The following PTPRM variants were observed in gnomAD, a reference collection of about 807,000 sequenced individuals.
PTPRM encodes the protein receptor-type tyrosine-protein phosphatase mu.
In PTPRM, 47 loss-of-function variants were observed where a neutral mutation model predicts 186.7. The ratio of observed to expected loss-of-function variants is 0.25; its 90% confidence interval spans 0.20 to 0.32. The LOEUF is 0.32. Among genes scored for constraint, PTPRM ranks in the 10% least tolerant of loss-of-function variants. The pLI is 1.00. For synonymous variants in PTPRM, 668 were observed against 674.9 expected (o/e 0.99, Z 0.16); for missense variants, 1,494 against 1,865.0 (o/e 0.80, Z 3.66).
intron 24 of PTPRM, among the ~76,000 whole-genome samples, chr18:8,374,435 T>A (rs2095682971): frequency 6.6e-6 from 1 of 152,166 alleles, no homozygotes; most frequent in Admixed American, 6.5e-5. Context: ...TGGGAATGCA[T>A]ACCACCAAAA....
intron 3 of PTPRM, among the ~76,000 whole-genome samples, chr18:7,905,965 G>A (rs1204204699): frequency 3.3e-5 from 5 of 152,190 alleles, no homozygotes; most frequent in Admixed American, 6.5e-5. Context: ...CCAAATGTGT[G>A]TATGGCAGTG....
At chr18:8,357,915 C>A (rs1490556996) in intron 23 of PTPRM, among the ~76,000 whole-genome samples, 4 of 151,978 alleles carry the variant, frequency 2.6e-5, no homozygotes, top group Admixed American at 2.6e-4. Context: ...AAGGAGAAAA[C>A]CATATAACTT....
intron 23 of PTPRM, among the ~76,000 whole-genome samples, chr18:8,368,781 C>T (rs1454311693): frequency 6.6e-6 from 1 of 152,224 alleles, no homozygotes; most frequent in Non-Finnish European, 1.5e-5. Context: ...GATCCTATGA[C>T]TCTGCATAAA....
chr18:7,921,070 G>A (rs181739757), intron 4 of PTPRM, among the ~76,000 whole-genome samples: 18 of 152,088 alleles, frequency 1.2e-4, no homozygotes, highest in African/African-American at 3.9e-4. Context: ...TTTTGGGGTA[G>A]CCTTATTTGA....
intron 1 of PTPRM, among the ~76,000 whole-genome samples, chr18:7,635,879 C>T (rs1423103527): frequency 6.6e-6 from 1 of 152,140 alleles, no homozygotes; most frequent in African/African-American, 2.4e-5. Flanking sequence ...CTCTAAGGTA[C>T]AGTAAAATCC....
intron 1 of PTPRM, among the ~76,000 whole-genome samples, chr18:7,689,039 A>G (rs570934018): frequency 6.6e-6 from 1 of 152,298 alleles, no homozygotes; most frequent in East Asian, 1.9e-4. Flanking sequence ...TCCAAACAGG[A>G]TCTCAGCTAG....
intron 20 of PTPRM, among the ~76,000 whole-genome samples, chr18:8,297,553 A>G (rs533509532): frequency 6.6e-6 from 1 of 152,352 alleles, no homozygotes; most frequent in South Asian, 2.1e-4. Flanking sequence ...TGGCCGTACG[A>G]CTGAGAAACT....
chr18:7,600,387 G>A (rs2037371213), intron 1 of PTPRM, among the ~76,000 whole-genome samples: 1 of 152,160 alleles, frequency 6.6e-6, no homozygotes, highest in African/African-American at 2.4e-5. Context: ...AAATCTGGAG[G>A]CAGCAATCTT....
At chr18:8,092,205 C>T (rs2090772651) in intron 11 of PTPRM, among the ~76,000 whole-genome samples, 1 of 152,086 alleles carries the variant, frequency 6.6e-6, no homozygotes, top group East Asian at 1.9e-4. Flanking sequence ...ACTAAACTCT[C>T]AATGTAAATG....
intron 8 of PTPRM, among the ~76,000 whole-genome samples, chr18:8,072,876 G>A (rs894692619): frequency 7.9e-5 from 12 of 152,138 alleles, no homozygotes; most frequent in Admixed American, 2.0e-4. Flanking sequence ...ACTATCTTCC[G>A]TAACTTAATT....
At chr18:7,732,425 G>A (rs571277241) in intron 1 of PTPRM, among the ~76,000 whole-genome samples, 42 of 152,166 alleles carry the variant, frequency 2.8e-4, no homozygotes, top group Non-Finnish European at 5.6e-4. Context: ...ATTCTGGGTA[G>A]CCAGGAGTCC....
At chr18:7,767,690 C>A (rs1330464881) in intron 1 of PTPRM, among the ~76,000 whole-genome samples, 2 of 152,228 alleles carry the variant, frequency 1.3e-5, no homozygotes, top group East Asian at 3.9e-4. Flanking sequence ...CAACAACTAG[C>A]CTTGCTGTCT....
intron 13 of PTPRM, among the ~76,000 whole-genome samples, chr18:8,135,576 T>C (rs745475417): frequency 1.2e-4 from 18 of 152,172 alleles, no homozygotes; most frequent in Non-Finnish European, 2.5e-4. Flanking sequence ...CTTCCTATAA[T>C]TGGAGACCCT....
At chr18:7,871,677 A>G (rs1243298775) in intron 2 of PTPRM, among the ~76,000 whole-genome samples, 2 of 152,112 alleles carry the variant, frequency 1.3e-5, no homozygotes, top group Admixed American at 6.5e-5. Flanking sequence ...CCCTTTCTCT[A>G]AAGAGCTGTC....
chr18:8,156,123 G>A (rs929172415), intron 14 of PTPRM, among the ~76,000 whole-genome samples: 5 of 152,296 alleles, frequency 3.3e-5, no homozygotes, highest in Middle Eastern at 3.4e-3. Flanking sequence ...TAGGGTTGAG[G>A]TACAAGGGTA....
chr18:7,959,425 C>A (rs2053524644), intron 7 of PTPRM, among the ~76,000 whole-genome samples: 1 of 152,152 alleles, frequency 6.6e-6, no homozygotes, highest in African/African-American at 2.4e-5. Context: ...GCATCAGTGA[C>A]ACCTGTCCTA....
chr18:8,310,989 G>A (rs1779343312), intron 20 of PTPRM, among the ~76,000 whole-genome samples: 1 of 152,150 alleles, frequency 6.6e-6, no homozygotes, highest in Admixed American at 6.5e-5. Context: ...TCAGTATTCT[G>A]ACAATATTAG....
intron 22 of PTPRM, among the ~76,000 whole-genome samples, chr18:8,334,181 G>T (rs2095426400): frequency 6.6e-6 from 1 of 152,196 alleles, no homozygotes; most frequent in Non-Finnish European, 1.5e-5. Flanking sequence ...CTATTTATTT[G>T]TCCAACACCC....
At chr18:7,601,532 C>T (rs1215396824) in intron 1 of PTPRM, among the ~76,000 whole-genome samples, 8 of 152,198 alleles carry the variant, frequency 5.3e-5, no homozygotes, top group East Asian at 1.9e-4. Flanking sequence ...GTGGCTGTTG[C>T]GAGCCTTGGC....
Sources: allele counts gnomAD v4.1 joint callset (sites outside exome capture counted in the v4.1 genomes callset), GRCh38; gene constraint gnomAD v4.1.1; transcripts MANE v1.5; gene names NCBI Gene and HGNC (gene_info 2026-07-23, HGNC 2026-07-21).